Variants in MAP2K7 observed in about 807,000 individuals in gnomAD.
MAP2K7 encodes dual specificity mitogen-activated protein kinase kinase 7.
A neutral mutation model predicts 47.7 loss-of-function variants in MAP2K7; 12 were observed. The ratio of observed to expected loss-of-function variants is 0.25; its 90% CI spans 0.16 to 0.41. The LOEUF (loss-of-function observed/expected upper bound fraction) is 0.41. Among genes scored for constraint, MAP2K7 ranks in the 10% least tolerant of loss-of-function variants. The probability of loss-of-function intolerance (pLI) is 1.00; values close to 1 mark genes in which losing one functional copy is unlikely to be tolerated. For synonymous variants in MAP2K7, 299 were observed against 243.0 expected (o/e 1.23, Z -2.14); for missense variants, 415 against 600.3 (o/e 0.69, Z 3.23).
intron 1 of MAP2K7, chr19:7,904,393 G>T (rs539997095): frequency 6.7e-6 from 2 of 297,948 alleles, no homozygotes; most frequent in South Asian, 2.4e-5. Context: ...CATCCAGGTC[G>T]CCCCGAAAAC....
intron 1 of MAP2K7, 46 bp from the exon 2 acceptor site, chr19:7,909,709 G>T: frequency 7.6e-7 from 1 of 1,319,540 alleles, no homozygotes. Context: ...GCTGACACCA[G>T]CTGGGCGCTG....
At chr19:7,911,690 C>A (rs1022406124) in intron 9 of MAP2K7, 112 bp downstream of exon 9, 3 of 1,148,442 alleles carry the variant, frequency 2.6e-6, no homozygotes, top group Non-Finnish European at 3.6e-6. Flanking sequence ...GCGGATGCGA[C>A]TGTGGGCGGG....
intron 1 of MAP2K7, among the ~76,000 whole-genome samples, chr19:7,905,443 C>T (rs1982384266): frequency 6.6e-6 from 1 of 152,178 alleles, no homozygotes; most frequent in Non-Finnish European, 1.5e-5. Flanking sequence ...CTGCCTGAGA[C>T]AAGAAGCCCA....
Position 7,911,498 on chromosome 19 carries a change from C to G in MAP2K7, c.999C>G (p.Thr333=), listed in dbSNP as rs772153785. Residue 333 remains threonine (T), a synonymous_variant, in exon 9 of 11, where the codon ACC becomes ACG. Transcript: ENST00000397979. ...GCAAGACGGACTTTGAGGTCCTCAC[C>G]AAAGTCCTACAGGAAGAGCCCCCGC... The part of the protein sequence containing the change: ...KNCKTDFEVL[T]KVLQEEPPLL... The G allele has an allele frequency of 1.2e-6, 2 of 1,613,224 alleles. No individual in the cohort carries two copies.
At position 7,914,187 on chromosome 19, in the gene MAP2K7, A is replaced by T. The variant is rs1291038530; in HGVS notation, c.*1756A>T. 6.6e-6 allele frequency: 1 copy of T among 152,304 alleles called. No homozygotes were observed. The highest frequency in any genetic ancestry group is 1.5e-5 in the Non-Finnish European group (1 of 68,060). 9.4% of individuals were successfully genotyped at this position (152,304 alleles called of 1,614,324 possible). On this transcript the variant is annotated 3_prime_UTR_variant, in exon 11 of 11. Coordinates refer to ENST00000397979, the MANE Select transcript of MAP2K7 (RefSeq NM_145185.4). ...TTTATTTAACTTTATTTTCTGTTTT[A>T]TGAGTGTGTGTCCGCCCACCCCCAC... is the stretch of plus-strand genomic sequence containing the variant.
chr19:7,909,106 C>G (rs1447315248), intron 1 of MAP2K7, among the ~76,000 whole-genome samples: 1 of 152,330 alleles, frequency 6.6e-6, no homozygotes, highest in South Asian at 2.1e-4. Context: ...GGATGCAGGC[C>G]CCCTGAGGTC....
intron 1 of MAP2K7, among the ~76,000 whole-genome samples, chr19:7,907,986 G>A (rs1982574331): frequency 6.6e-6 from 1 of 152,030 alleles, no homozygotes; most frequent in African/African-American, 2.4e-5. Context: ...CCAACATAGC[G>A]AGACCCCATC....
intron 1 of MAP2K7, among the ~76,000 whole-genome samples, chr19:7,908,804 G>A (rs938516465): frequency 2.0e-5 from 3 of 152,200 alleles, no homozygotes; most frequent in Non-Finnish European, 2.9e-5. Context: ...CCGGGAAGCT[G>A]CCCTCCTGTC....
rs774082892 is a variant in MAP2K7, at chr19:7,911,227, GTCT to G, written c.856-19_856-17del. On this transcript the variant is annotated intron_variant, in intron 7 of 10. Coordinates refer to ENST00000397979, the MANE Select transcript of MAP2K7 (RefSeq NM_145185.4). ...AGGCCGGCCCCAGCCTTGGAGATAC[GTCT>G]TCTCCTCCCCCCCCTGCAGCCCGAG... 1.6e-3 allele frequency: 2,517 copies of G among 1,597,018 alleles called. 2 individuals carry two copies. Among genetic ancestry groups the G allele is most frequent in the African/African-American group, 2.0e-3 (150 of 74,504 alleles).
At position 7,910,497 on chromosome 19, in the gene MAP2K7, C is replaced by A; in HGVS notation, c.492C>A (p.Leu164=). 6.2e-7 allele frequency: 1 copy of A among 1,613,044 alleles called. No individual in the cohort carries two copies. Among genetic ancestry groups the A allele is most frequent in the Non-Finnish European group, 8.5e-7 (1 of 1,179,696 alleles). ...ACAAGGAGGAGAACAAGCGCATCCT[C>A]ATGGACCTGGATGTGGTGCTGAAGA... The part of the protein sequence containing the change: ...SGNKEENKRI[L]MDLDVVLKSH... Residue 164 remains leucine, a synonymous_variant, in exon 5 of 11, where the codon CTC becomes CTA. Coordinates refer to ENST00000397979, the MANE Select transcript of MAP2K7 (RefSeq NM_145185.4).
At chr19:7,911,699 G>A (rs1982884670) in intron 9 of MAP2K7, 121 bp downstream of exon 9, 1 of 1,082,834 alleles carries the variant, frequency 9.2e-7, no homozygotes, top group Non-Finnish European at 1.3e-6. Context: ...ACTGTGGGCG[G>A]GCTCCTGGCT....
chr19:7,905,761 T>C (rs887642077), intron 1 of MAP2K7: 3 of 1,472,518 alleles, frequency 2.0e-6, no homozygotes, highest in South Asian at 1.1e-5. Context: ...GTCGTTTCTG[T>C]TGTGATTTAT....
At position 7,904,020 on chromosome 19, in the gene MAP2K7, C is replaced by A; in HGVS notation, c.76C>A (p.Arg26=). Residue 26 remains arginine (R), a synonymous_variant, in exon 1 of 11, where the codon CGG becomes AGG. Transcript: ENST00000397979. ...GAAGCAGGAGAACCGGGAGGCCCGG[C>A]GGAGGATCGACCTCAACCTGGATAT... ...KLKQENREAR[R]RIDLNLDISP... The A allele has an allele frequency of 7.2e-7, 1 of 1,397,696 alleles. No individual in the cohort carries two copies. The allele number at this position is 1,397,696 out of a possible 1,614,324, so 86.6% of individuals were successfully genotyped here.
chr19:7,907,633 C>G (rs571851094), intron 1 of MAP2K7, among the ~76,000 whole-genome samples: 1 of 152,204 alleles, frequency 6.6e-6, no homozygotes, highest in Non-Finnish European at 1.5e-5. Context: ...TACCTGAACC[C>G]TCCCTTCCAT....
chr19:7,911,681 C>A (rs560107127), intron 9 of MAP2K7, 103 bp downstream of exon 9: 12 of 1,213,330 alleles, frequency 9.9e-6, no homozygotes, highest in Non-Finnish European at 1.1e-5. Context: ...CTGGGATGGG[C>A]GGATGCGACT....
Position 7,909,844 on chromosome 19 carries a change from C to G in MAP2K7, c.214C>G (p.Arg72Gly). ...PQHPTPPARP[R>G]HMLGLPSTLF... ...GCACCCCACGCCCCCCGCCCGGCCC[C>G]GCCACATGCTGGGGCTCCCGTCAAC... is the stretch of plus-strand genomic sequence containing the variant. Residue 72 changes from arginine (R) to glycine (G), a missense_variant, in exon 2 of 11, where the codon CGC (arginine) becomes GGC (glycine). Physicochemically the swap from Arg to Gly is moderately radical, Grantham distance 125 (BLOSUM62 -2). Transcript: ENST00000397979. 6.5e-7 allele frequency: 1 copy of G among 1,540,530 alleles called. No homozygotes were observed. Among genetic ancestry groups the G allele is most frequent in the Non-Finnish European group, 8.7e-7 (1 of 1,143,444 alleles).
chr19:7,907,611 TC>T (rs1982549966), intron 1 of MAP2K7, among the ~76,000 whole-genome samples: 1 of 152,092 alleles, frequency 6.6e-6, no homozygotes, highest in Admixed American at 6.5e-5. Context: ...TGTACCTCCT[TC>T]CCCCAGTGCC....
At chr19:7,906,253 A>AC (rs1296589713) in intron 1 of MAP2K7, 8 of 214,340 alleles carry the variant, frequency 3.7e-5, no homozygotes, top group Non-Finnish European at 6.7e-5. Context: ...AACACATAGC[A>AC]CCCCCCGGGT....
chr19:7,906,795 G>T (rs1197230455), intron 1 of MAP2K7: 1 of 152,356 alleles, frequency 6.6e-6, no homozygotes, highest in East Asian at 1.9e-4. Flanking sequence ...ACCGAGGCGG[G>T]TGGCTCACCT....
Sources: allele counts gnomAD v4.1 joint callset (sites outside exome capture counted in the v4.1 genomes callset), GRCh38; gene constraint gnomAD v4.1.1; transcripts MANE v1.5; gene names NCBI Gene and HGNC (gene_info 2026-07-23, HGNC 2026-07-21).